Variants in RAD51B observed in about 807,000 individuals in gnomAD.
RAD51B encodes DNA repair protein RAD51 homolog 2.
RAD51B carries 38 observed loss-of-function variants against 42.2 expected under a neutral mutation model. The observed-to-expected ratio is 0.90, with a 90% CI of 0.70 to 1.18. The LOEUF (loss-of-function observed/expected upper bound fraction) is 1.18, where lower values mean the gene tolerates loss of function less well. RAD51B is among the 50% of genes most tolerant of loss of function. The probability of loss-of-function intolerance (pLI) is 0.00; values close to 1 mark genes in which losing one functional copy is unlikely to be tolerated. For synonymous variants in RAD51B, 154 were observed against 145.2 expected (o/e 1.06, Z -0.43); for missense variants, 373 against 400.7 (o/e 0.93, Z 0.59).
chr14:67,912,937 C>T (rs1260014931), intron 7 of RAD51B, among the ~76,000 whole-genome samples: 1 of 152,142 alleles, frequency 6.6e-6, no homozygotes, highest in African/African-American at 2.4e-5. Flanking sequence ...AACTCCTGAC[C>T]TTGTAATCTG....
At chr14:68,087,909 T>TATATA (rs1202726412) in intron 7 of RAD51B, among the ~76,000 whole-genome samples, 2 of 125,048 alleles carry the variant, frequency 1.6e-5, no homozygotes, top group South Asian at 4.4e-4. Flanking sequence ...TTTATATAAT[T>TATATA]ATATAATATA....
At chr14:68,667,213 G>C (rs1467580326) in intron 11 of RAD51B, among the ~76,000 whole-genome samples, 1 of 152,246 alleles carries the variant, frequency 6.6e-6, no homozygotes, top group Non-Finnish European at 1.5e-5. Flanking sequence ...AGGTGGACTG[G>C]AGAGCAAGTA....
At chr14:68,254,240 A>T (rs780059517) in intron 7 of RAD51B, among the ~76,000 whole-genome samples, 34 of 152,190 alleles carry the variant, frequency 2.2e-4, no homozygotes, top group Non-Finnish European at 4.9e-4. Flanking sequence ...AGATTAAAAG[A>T]TTTATTTTAA....
At chr14:68,439,153 TACACACACAC>T (rs10565900) in intron 9 of RAD51B, among the ~76,000 whole-genome samples, 14 of 119,182 alleles carry the variant, frequency 1.2e-4, no homozygotes, top group Admixed American at 1.1e-3. Flanking sequence ...TGTATTTTTG[TACACACACAC>T]ACACACACAC....
At chr14:68,398,324 C>T (rs1267615884) in intron 8 of RAD51B, among the ~76,000 whole-genome samples, 3 of 152,240 alleles carry the variant, frequency 2.0e-5, no homozygotes, top group Admixed American at 6.5e-5. Flanking sequence ...GTTTTCAAAG[C>T]ACCTCAGCAT....
At chr14:67,887,431 T>C (rs1238678162) in intron 7 of RAD51B, 1 of 370,836 alleles carries the variant, frequency 2.7e-6, no homozygotes, top group Non-Finnish European at 4.8e-6. Context: ...GGAGTAGATT[T>C]AAACGATGTT....
intron 7 of RAD51B, among the ~76,000 whole-genome samples, chr14:67,976,603 A>G (rs2075000390): frequency 6.6e-6 from 1 of 152,180 alleles, no homozygotes; most frequent in Admixed American, 6.5e-5. Flanking sequence ...ACCTAAAACC[A>G]TAAAAACCCT....
chr14:67,882,644 A>T (rs1886374756), intron 5 of RAD51B, among the ~76,000 whole-genome samples: 1 of 152,272 alleles, frequency 6.6e-6, no homozygotes, highest in African/African-American at 2.4e-5. Flanking sequence ...TAAAACATGC[A>T]AATAACACCA....
At position 68,610,074 on chromosome 14, in the gene RAD51B, G is replaced by A. The variant is rs147273484; in HGVS notation, c.1037-932G>A. 8.9e-4 allele frequency among the ~76,000 whole-genome samples: 135 copies of A among 152,050 alleles called. 2 individuals are homozygous for A. In the East Asian group the frequency reaches 0.025, roughly 28 times the overall value. ...CTCCCCAGATCCCCACATTTCTACC[G>A]GCCTACTCTGCTGGCCGTCTCTGCT... is the stretch of plus-strand genomic sequence containing the variant. On this transcript the variant is annotated intron_variant, in intron 10 of 10. Coordinates refer to the RAD51B transcript ENST00000487861.
At chr14:68,045,053 A>G (rs1000334667) in intron 7 of RAD51B, among the ~76,000 whole-genome samples, 2 of 151,960 alleles carry the variant, frequency 1.3e-5, no homozygotes, top group African/African-American at 4.8e-5. Flanking sequence ...CAGCCTCATC[A>G]TGGAGAAACC....
intron 7 of RAD51B, among the ~76,000 whole-genome samples, chr14:68,027,974 C>G (rs1432961799): frequency 6.6e-6 from 1 of 152,048 alleles, no homozygotes; most frequent in Admixed American, 6.6e-5. Flanking sequence ...ATCTGTGATG[C>G]AGGTTGAGTA....
At position 68,242,057 on chromosome 14, in the gene RAD51B, T is replaced by C. The variant is rs76227817; in HGVS notation, c.757-49827T>C. The stretch of plus-strand genomic sequence containing the variant: ...TGAAGCTTCTCTGGTTTCTGCCACC[T>C]GTGCCTTGCTATCTGAGCCCCTTCC... On this transcript the variant is annotated intron_variant, in intron 7 of 10. Coordinates refer to ENST00000471583, the MANE Select transcript of RAD51B (RefSeq NM_133510.4). Among the ~76,000 whole-genome samples the C allele has an allele frequency of 4.1e-3, 622 of 152,350 alleles. 5 individuals are homozygous for C. The highest frequency in any genetic ancestry group is 0.014 in the African/African-American group (592 of 41,574).
rs192304499 is a variant in RAD51B at position 68,193,273 on chromosome 14, C to T, written c.757-98611C>T. Among the ~76,000 whole-genome samples, 419 of 152,278 alleles carry T rather than the reference C, an allele frequency of 2.8e-3. 1 individual carries two copies. The highest frequency in any genetic ancestry group is 4.5e-3 in the Non-Finnish European group (307 of 68,022). On this transcript the variant is annotated intron_variant, in intron 7 of 10. Coordinates refer to ENST00000471583, the MANE Select transcript of RAD51B (RefSeq NM_133510.4). The stretch of plus-strand genomic sequence containing the variant: ...TGCTACTTATATCATTAAATTTCCT[C>T]CCTGATTTCTACTTGGACTTAAATG...
intron 7 of RAD51B, among the ~76,000 whole-genome samples, chr14:68,107,592 C>T (rs1490413976): frequency 6.6e-6 from 1 of 151,716 alleles, no homozygotes; most frequent in Non-Finnish European, 1.5e-5. Flanking sequence ...TATAGTAATC[C>T]AAACAGTGTG....
At chr14:68,562,302 A>G in intron 10 of RAD51B, 1 of 985,426 alleles carries the variant, frequency 1.0e-6, no homozygotes, top group Non-Finnish European at 1.2e-6. Context: ...TTGAACGCCA[A>G]ACCTCTGCCT....
At chr14:67,935,066 A>G (rs1054021398) in intron 7 of RAD51B, among the ~76,000 whole-genome samples, 3 of 152,158 alleles carry the variant, frequency 2.0e-5, no homozygotes, top group African/African-American at 7.2e-5. Context: ...TAATTTATTT[A>G]TGTAGTTTCA....
At chr14:67,965,611 A>G (rs185409517) in intron 7 of RAD51B, among the ~76,000 whole-genome samples, 1 of 152,030 alleles carries the variant, frequency 6.6e-6, no homozygotes, top group East Asian at 1.9e-4. Context: ...ACTTATTCTC[A>G]TCTCATTACC....
In RAD51B at chr14:68,367,873, A is replaced by C. The variant is rs541184501; in HGVS notation, c.854-43551A>C. Among the ~76,000 whole-genome samples the C allele has an allele frequency of 2.0e-5, 3 of 152,326 alleles. No individual in the cohort carries two copies. The South Asian group carries it at 6.2e-4, about 32-fold the overall frequency. On this transcript the variant is annotated intron_variant, in intron 8 of 10. Transcript: ENST00000471583. Reference sequence around the variant, plus strand: ...GCTGTGGTAGAAAAAGGGAAACAAGAGAAAGCTTCTGAAAAAAATGTTTTG... The same window carrying C: ...GCTGTGGTAGAAAAAGGGAAACAAGCGAAAGCTTCTGAAAAAAATGTTTTG...
intron 10 of RAD51B, 193 bp downstream of exon 10, chr14:68,468,443 T>A: frequency 1.4e-6 from 1 of 730,894 alleles, no homozygotes; most frequent in Non-Finnish European, 2.5e-6. Context: ...CAGAGAAGAT[T>A]GAGGTAGGGC....
Sources: allele counts gnomAD v4.1 joint callset (sites outside exome capture counted in the v4.1 genomes callset), GRCh38; gene constraint gnomAD v4.1.1; transcripts MANE v1.5; gene names NCBI Gene and HGNC (gene_info 2026-07-23, HGNC 2026-07-21).